Variants in SETD2 observed in about 807,000 individuals in gnomAD.
SETD2 encodes the protein histone-lysine N-methyltransferase SETD2.
In SETD2, 31 loss-of-function variants were observed where a neutral mutation model predicts 242.1. The ratio of observed to expected loss-of-function variants is 0.13; its 90% CI spans 0.10 to 0.17. The LOEUF is 0.17. SETD2 is among the 10% of genes least tolerant of loss of function. The probability of loss-of-function intolerance (pLI) is 1.00; values close to 1 mark genes in which losing one functional copy is unlikely to be tolerated. For missense variants in SETD2, 2,481 were observed against 3,046.3 expected (o/e 0.81, Z 4.37); for synonymous variants, 1,006 against 1,066.5 (o/e 0.94, Z 1.11).
At chr3:47,055,283 G>T (rs1447785182) in intron 15 of SETD2, among the ~76,000 whole-genome samples, 3 of 152,190 alleles carry the variant, frequency 2.0e-5, no homozygotes, top group Non-Finnish European at 4.4e-5. Context: ...TAAGTATTAT[G>T]TGCAGGAAAC....
chr3:47,085,219 A>T (rs980316811), intron 11 of SETD2, among the ~76,000 whole-genome samples: 1 of 152,224 alleles, frequency 6.6e-6, no homozygotes, highest in African/African-American at 2.4e-5. Flanking sequence ...AACATCAAAT[A>T]GGACTGATTA....
At position 47,037,768 on chromosome 3, in the gene SETD2, C is replaced by T. The variant is rs780299120; in HGVS notation, c.7248G>A (p.Gln2416=). The stretch of plus-strand genomic sequence containing the variant: ...GGCTTTCCCAAGTAGGAGGATCCCA[C>T]TGAGTCTGCCTAGAAAGAGACAAAA... The part of the protein sequence containing the change: ...YYYHVITRQT[Q]WDPPTWESPG... Residue 2416 remains glutamine, a synonymous_variant, in exon 18 of 21, where the codon CAG becomes CAA. Transcript: ENST00000409792. The T allele has an allele frequency of 3.7e-6, 6 of 1,613,318 alleles. No homozygotes were observed. The highest frequency in any genetic ancestry group is 5.1e-6 in the Non-Finnish European group (6 of 1,179,434).
At position 47,123,540 on chromosome 3, in the gene SETD2, G is replaced by T. The variant is rs1382740465; in HGVS notation, c.1096C>A (p.Pro366Thr). The part of the protein sequence containing the change: ...APLKSEDLGK[P>T]SRSKTDRDDK... ...TCTCTGTCTGTTTTAGATCGTGAAG[G>T]TTTCCCTAGATCCTCACTTTTTAAA... The change falls in exon 3 of 21, where the codon CCT becomes ACT. Residue 366 changes from proline (P) to threonine (T), a missense_variant. Pro to Thr is a conservative substitution (Grantham distance 38). Transcript: ENST00000409792. 6.4e-7 allele frequency: 1 copy of T among 1,550,488 alleles called. No homozygotes were observed. Among genetic ancestry groups the T allele is most frequent in the Non-Finnish European group, 8.7e-7 (1 of 1,146,988 alleles).
At chr3:47,054,215 C>A (rs2039963145) in intron 15 of SETD2, among the ~76,000 whole-genome samples, 3 of 152,066 alleles carry the variant, frequency 2.0e-5, no homozygotes, top group Admixed American at 6.6e-5. Flanking sequence ...TTGATAGGGA[C>A]AGAATGAAAG....
rs753117350 is a variant in SETD2, at chr3:47,123,026, A to C, written c.1610T>G (p.Leu537Arg). ...ATATGATGACCCTCGTCGGAATCCC[A>C]GTTCATTAGGGGGAGAACAACATCT... ...IKRCCSPPNELGFRRGSSYSK... is the reference protein window; with the variant it reads ...IKRCCSPPNERGFRRGSSYSK... The change falls in exon 3 of 21, where the codon CTG (leucine) becomes CGG (arginine). Residue 537 changes from leucine (L) to arginine (R), a missense_variant. By Grantham distance (102) the Leu-to-Arg change is moderately radical (BLOSUM62 -2). This residue lies in a region of SETD2 where 1,300 missense variants were observed against 1,259.2 expected (regional missense o/e 1.03). Coordinates refer to ENST00000409792, the MANE Select transcript of SETD2 (RefSeq NM_014159.7). 1.2e-5 allele frequency: 19 copies of C among 1,614,006 alleles called. No homozygotes were observed. The Admixed American group carries it at 2.3e-4, about 20-fold the overall frequency.
chr3:47,147,762 A>C (rs1014594875), intron 1 of SETD2, among the ~76,000 whole-genome samples: 3 of 151,728 alleles, frequency 2.0e-5, no homozygotes, highest in Admixed American at 2.0e-4. Flanking sequence ...TCTACTAAAA[A>C]TACAAAAAAA....
intron 1 of SETD2, among the ~76,000 whole-genome samples, chr3:47,135,530 G>C (rs2043571663): frequency 6.6e-6 from 1 of 152,160 alleles, no homozygotes. Flanking sequence ...GTCCGCCTTG[G>C]CCTCCCAAGT....
chr3:47,044,902 T>A (rs1376432669), intron 16 of SETD2, among the ~76,000 whole-genome samples: 1 of 152,178 alleles, frequency 6.6e-6, no homozygotes, highest in Non-Finnish European at 1.5e-5. Context: ...AAAGGCCATG[T>A]TCAAAGGAAA....
At chr3:47,073,545 G>A (rs1052908039) in intron 12 of SETD2, among the ~76,000 whole-genome samples, 5 of 152,086 alleles carry the variant, frequency 3.3e-5, no homozygotes, top group African/African-American at 1.2e-4. Context: ...GAAGAAAAGA[G>A]TGAGAGGGAG....
chr3:47,081,064 C>G, intron 12 of SETD2: 7 of 986,976 alleles, frequency 7.1e-6, no homozygotes, highest in Non-Finnish European at 8.4e-6. Context: ...TGTTAACAAG[C>G]TCCTTGCTGC....
At chr3:47,154,012 G>A (rs541579743) in intron 1 of SETD2, among the ~76,000 whole-genome samples, 1 of 152,190 alleles carries the variant, frequency 6.6e-6, no homozygotes, top group Admixed American at 6.5e-5. Flanking sequence ...TATGCCCTAA[G>A]GCTCTTTTAA....
rs1002109417 is a variant in SETD2 at position 47,121,068 on chromosome 3, C to T, written c.3568G>A (p.Val1190Met). ...TGCCTAGAAGGTATTTTGGCTTTCACGGTTTCCTCTGAATTTGGGTGACCC... is the reference window on the plus strand; with the variant it reads ...TGCCTAGAAGGTATTTTGGCTTTCATGGTTTCCTCTGAATTTGGGTGACCC... ...PLGHPNSEET[V>M]KAKIPSRQQE... The change falls in exon 3 of 21, where the codon GTG (valine) becomes ATG (methionine). Residue 1190 changes from valine (V) to methionine (M), a missense_variant. This residue lies in a region of SETD2 where 1,300 missense variants were observed against 1,259.2 expected (regional missense o/e 1.03). Transcript: ENST00000409792. 35 of 1,613,936 alleles carry T rather than the reference C, an allele frequency of 2.2e-5. No homozygotes were observed. The highest frequency in any genetic ancestry group is 3.3e-5 in the Admixed American group (2 of 59,978).
intron 1 of SETD2, among the ~76,000 whole-genome samples, chr3:47,144,420 C>T (rs538394159): frequency 6.6e-6 from 1 of 152,156 alleles, no homozygotes; most frequent in Non-Finnish European, 1.5e-5. Context: ...AGGCGAATCA[C>T]GAGGTCAAGA....
At chr3:47,019,612 A>C in intron 19 of SETD2, 148 bp downstream of exon 19, 1 of 641,800 alleles carries the variant, frequency 1.6e-6, no homozygotes, top group Non-Finnish European at 2.7e-6. Context: ...TGCTAAAAGA[A>C]GCACTTCAGC....
chr3:47,065,852 A>G (rs1267624653), intron 13 of SETD2, among the ~76,000 whole-genome samples: 1 of 152,182 alleles, frequency 6.6e-6, no homozygotes, highest in African/African-American at 2.4e-5. Flanking sequence ...ACTAAGTGGT[A>G]AAGTCCAGAA....
At chr3:47,067,033 G>C (rs767526731) in intron 13 of SETD2, 37 bp downstream of exon 13, 6 of 1,528,238 alleles carry the variant, frequency 3.9e-6, no homozygotes, top group Non-Finnish European at 9.1e-7. Flanking sequence ...AAGAATATTT[G>C]TAAAGCCATC....
chr3:47,152,970 A>G lies in SETD2; in HGVS notation c.71+10884T>C, dbSNP rs138150857. ...TCAGACCTATCTTAAACCTCCATTG[A>G]AATGACAATATGTTTGCTCAGCTGG... On this transcript the variant is annotated intron_variant, in intron 1 of 20. Transcript: ENST00000409792. 7.9e-4 allele frequency among the ~76,000 whole-genome samples: 121 copies of G among 152,364 alleles called. 1 individual carries two copies. In the East Asian group the frequency reaches 0.019, roughly 24 times the overall value.
At chr3:47,084,994 C>T (rs937657387) in intron 11 of SETD2, among the ~76,000 whole-genome samples, 1 of 151,552 alleles carries the variant, frequency 6.6e-6, no homozygotes, top group Non-Finnish European at 1.5e-5. Context: ...GCCTCCCAAA[C>T]TGCTGGGATT....
intron 10 of SETD2, among the ~76,000 whole-genome samples, chr3:47,087,086 A>C (rs936155976): frequency 1.4e-4 from 21 of 152,018 alleles, no homozygotes; most frequent in African/African-American, 5.1e-4. Context: ...TGGCATACTT[A>C]ATAAACTGGT....
Sources: allele counts gnomAD v4.1 joint callset (sites outside exome capture counted in the v4.1 genomes callset), GRCh38; gene constraint gnomAD v4.1.1; regional missense constraint gnomAD v4.1.1; transcripts MANE v1.5; gene names NCBI Gene and HGNC (gene_info 2026-07-23, HGNC 2026-07-21).